The following ARB2A variants were observed in gnomAD, a reference collection of about 807,000 sequenced individuals.
The protein encoded by ARB2A is cotranscriptional regulator ARB2A.
At chr5:93,633,628 T>A in the ARB2A span, among the ~76,000 whole-genome samples, 3 of 152,208 alleles carry the variant, frequency 2.0e-5, no homozygotes, top group South Asian at 6.2e-4. Flanking sequence ...TATTAGCTTA[T>A]GTGTCTTTAA....
the ARB2A span, among the ~76,000 whole-genome samples, chr5:93,669,033 C>CT: frequency 6.6e-6 from 1 of 152,200 alleles, no homozygotes; most frequent in Non-Finnish European, 1.5e-5. Context: ...TTCTAAAGTA[C>CT]TTTCTAAAGT....
At chr5:93,628,844 A>G in the ARB2A span, among the ~76,000 whole-genome samples, 225 of 152,328 alleles carry the variant, frequency 1.5e-3, no homozygotes, top group Admixed American at 4.2e-3. Context: ...TCTTCTATCC[A>G]GACTACTCAA....
chr5:93,692,380 A>G, the ARB2A span, among the ~76,000 whole-genome samples: 1 of 152,202 alleles, frequency 6.6e-6, no homozygotes, highest in Admixed American at 6.5e-5. Context: ...AGCAAACAAA[A>G]AAGCAGGGGT....
At chr5:93,688,715 C>G in the ARB2A span, among the ~76,000 whole-genome samples, 1 of 152,142 alleles carries the variant, frequency 6.6e-6, no homozygotes, top group Non-Finnish European at 1.5e-5. Context: ...ACTCATCATT[C>G]TCCTAAAAAT....
the ARB2A span, among the ~76,000 whole-genome samples, chr5:93,965,464 G>A: frequency 1.3e-5 from 2 of 152,076 alleles, no homozygotes; most frequent in East Asian, 1.9e-4. Flanking sequence ...TGGGACTTCT[G>A]ATCTACAGAA....
the ARB2A span, among the ~76,000 whole-genome samples, chr5:93,924,763 G>C: frequency 5.3e-5 from 8 of 152,156 alleles, no homozygotes; most frequent in Non-Finnish European, 8.8e-5. Context: ...TGGAGGGTCA[G>C]GGGGAGGGAA....
chr5:93,946,290 G>A, the ARB2A span, among the ~76,000 whole-genome samples: 1 of 152,068 alleles, frequency 6.6e-6, no homozygotes, highest in Non-Finnish European at 1.5e-5. Context: ...CTTAGAAAGT[G>A]ACCAGTCAAG....
chr5:93,631,456 T>C, the ARB2A span, among the ~76,000 whole-genome samples: 1 of 152,202 alleles, frequency 6.6e-6, no homozygotes, highest in Non-Finnish European at 1.5e-5. Context: ...AGCTCAAGCC[T>C]GGGCAAAAGC....
At chr5:93,855,925 A>T in the ARB2A span, among the ~76,000 whole-genome samples, 1 of 152,016 alleles carries the variant, frequency 6.6e-6, no homozygotes, top group Non-Finnish European at 1.5e-5. Context: ...CCTTCAAAGG[A>T]ACGCAGTTCC....
chr5:93,804,099 A>C, the ARB2A span, among the ~76,000 whole-genome samples: 1 of 152,048 alleles, frequency 6.6e-6, no homozygotes, highest in East Asian at 1.9e-4. Flanking sequence ...ATATGTACAC[A>C]GACACCATAC....
chr5:94,022,691 C>T, the ARB2A span, among the ~76,000 whole-genome samples: 1 of 152,166 alleles, frequency 6.6e-6, no homozygotes, highest in East Asian at 1.9e-4. Flanking sequence ...AAAGAGAGAA[C>T]TCATGAAGTT....
At chr5:93,633,315 C>A in the ARB2A span, among the ~76,000 whole-genome samples, 3 of 152,186 alleles carry the variant, frequency 2.0e-5, no homozygotes, top group African/African-American at 7.2e-5. Context: ...CAGTCTCTCC[C>A]CTTTGATCTT....
At chr5:93,923,548 G>A in the ARB2A span, among the ~76,000 whole-genome samples, 13 of 152,132 alleles carry the variant, frequency 8.5e-5, no homozygotes, top group East Asian at 1.9e-4. Flanking sequence ...ATGGCTGGGC[G>A]CAGTGGCTCA....
chr5:93,844,919 G>A, the ARB2A span, among the ~76,000 whole-genome samples: 1 of 152,192 alleles, frequency 6.6e-6, no homozygotes, highest in Non-Finnish European at 1.5e-5. Flanking sequence ...CTTTGCTGCA[G>A]TATCAGCTGA....
the ARB2A span, among the ~76,000 whole-genome samples, chr5:93,674,681 G>A: frequency 6.6e-6 from 1 of 152,300 alleles, no homozygotes; most frequent in Admixed American, 6.5e-5. Flanking sequence ...AAGGAGGCCT[G>A]CCAAAGAGGA....
chr5:93,952,186 C>T, the ARB2A span, among the ~76,000 whole-genome samples: 1 of 152,300 alleles, frequency 6.6e-6, no homozygotes, highest in East Asian at 1.9e-4. Flanking sequence ...CAATCCCTAT[C>T]AAAATACCAA....
At chr5:93,645,401 G>T in the ARB2A span, among the ~76,000 whole-genome samples, 1 of 152,054 alleles carries the variant, frequency 6.6e-6, no homozygotes, top group African/African-American at 2.4e-5. Flanking sequence ...GTGAAACCCT[G>T]TCTCTACTAA....
At chr5:94,077,368 G>A in the ARB2A span, among the ~76,000 whole-genome samples, 1 of 147,998 alleles carries the variant, frequency 6.8e-6, no homozygotes, top group Admixed American at 6.8e-5. Context: ...GCGAGACTCT[G>A]TCTCAAAAAA....
chr5:93,813,491 T>C, the ARB2A span, among the ~76,000 whole-genome samples: 42 of 152,296 alleles, frequency 2.8e-4, 1 homozygote, highest in East Asian at 7.5e-3. Context: ...AGCCTATCCA[T>C]ATTGAACAAA....
Sources: gnomAD v4.1 joint callset for allele counts (sites outside exome capture counted in the v4.1 genomes callset) on GRCh38, gnomAD v4.1.1 for gene constraint, MANE v1.5 for transcripts, NCBI Gene and HGNC (gene_info 2026-07-23, HGNC 2026-07-21) for gene names.